DIP2C: variants seen among roughly 807,000 people sequenced by gnomAD.
DIP2C encodes disco-interacting protein 2 homolog C.
DIP2C carries 33 observed loss-of-function variants against 192.4 expected under a neutral mutation model. The observed-to-expected ratio is 0.17, with a 90% CI of 0.13 to 0.23. DIP2C has a LOEUF of 0.23. DIP2C is among the 10% of genes least tolerant of loss of function. The pLI is 1.00. For synonymous variants in DIP2C, 979 were observed against 864.1 expected (o/e 1.13, Z -2.33); for missense variants, 1,537 against 2,110.1 (o/e 0.73, Z 5.32).
In DIP2C at chr10:624,045, C is replaced by T. The variant is rs538673879; in HGVS notation, c.85+65449G>A. Among the ~76,000 whole-genome samples, 3 of 152,374 alleles carry T rather than the reference C, an allele frequency of 2.0e-5. No homozygotes were observed. In the East Asian group the frequency reaches 5.8e-4, roughly 29 times the overall value. ...GTTGGGCTCGAACCGCCACCCTGCT[C>T]CTTCTCTCTGCACCCGGGACCCGCC... On this transcript the variant is annotated intron_variant, in intron 1 of 36. Coordinates refer to ENST00000280886, the MANE Select transcript of DIP2C (RefSeq NM_014974.3).
intron 1 of DIP2C, among the ~76,000 whole-genome samples, chr10:490,419 C>A (rs1037209955): frequency 6.6e-6 from 1 of 152,196 alleles, no homozygotes; most frequent in Admixed American, 6.5e-5. Flanking sequence ...CTAGGCGTAT[C>A]CACTGCTCAC....
rs115897468 is a variant in DIP2C, at chr10:371,416, G to T, written c.1992-1783C>A. Among the ~76,000 whole-genome samples, 785 of 152,270 alleles carry T rather than the reference G, an allele frequency of 5.2e-3. 3 individuals are homozygous for T. Among genetic ancestry groups the T allele is most frequent in the Middle Eastern group, 0.014 (4 of 294 alleles). ...AGGCGGAAATTGAAGTTGAGCCACC[G>T]TAAGCCAGGGCCATCTTATGACCAG... On this transcript the variant is annotated intron_variant, in intron 17 of 36. Coordinates refer to ENST00000280886, the MANE Select transcript of DIP2C (RefSeq NM_014974.3).
rs868222818 is a variant in DIP2C at position 471,046 on chromosome 10, A to G, written c.268+1393T>C. Among the ~76,000 whole-genome samples the G allele has an allele frequency of 8.5e-5, 13 of 152,108 alleles. 1 individual carries two copies. The highest frequency in any genetic ancestry group is 3.3e-4 in the Admixed American group (5 of 15,262). ...CGACAGGGGCCTCCGAGACACCCAC[A>G]TGAGTAAGAGAAGGTCTCAATATGT... On this transcript the variant is annotated intron_variant, in intron 3 of 36. Coordinates refer to ENST00000280886, the MANE Select transcript of DIP2C (RefSeq NM_014974.3).
At chr10:558,433 AAGG>A (rs1462587585) in intron 1 of DIP2C, among the ~76,000 whole-genome samples, 1 of 152,172 alleles carries the variant, frequency 6.6e-6, no homozygotes, top group African/African-American at 2.4e-5. Flanking sequence ...GAAATGCGTA[AAGG>A]AAGGTGCAGT....
chr10:606,845 T>C (rs1182988420), intron 1 of DIP2C, among the ~76,000 whole-genome samples: 1 of 152,030 alleles, frequency 6.6e-6, no homozygotes. Context: ...TGGGCGTCAG[T>C]GACGGACGCC....
Position 533,247 on chromosome 10 carries a change from T to G in DIP2C, c.86-46717A>C, listed in dbSNP as rs572888353. On this transcript the variant is annotated intron_variant, in intron 1 of 36. Coordinates refer to ENST00000280886, the MANE Select transcript of DIP2C (RefSeq NM_014974.3). ...AAAGAAAGAAGGGTGGAAAACACAT[T>G]GAAATTCCCGTGTTAGAATCATCAC... 7.9e-5 allele frequency among the ~76,000 whole-genome samples: 12 copies of G among 152,158 alleles called. No individual in the cohort carries two copies. In the South Asian group the frequency reaches 2.5e-3, roughly 32 times the overall value.
At chr10:600,858 T>C (rs1458243704) in intron 1 of DIP2C, among the ~76,000 whole-genome samples, 4 of 151,490 alleles carry the variant, frequency 2.6e-5, no homozygotes, top group Admixed American at 2.0e-4. Flanking sequence ...TTTGGCCATC[T>C]GGTCAAAGCT....
At chr10:480,206 C>G (rs1353802973) in intron 2 of DIP2C, among the ~76,000 whole-genome samples, 1 of 149,644 alleles carries the variant, frequency 6.7e-6, no homozygotes, top group African/African-American at 2.5e-5. Flanking sequence ...GGATGAGGGT[C>G]TCATCCACCA....
rs140930714 is a variant in DIP2C, at chr10:341,249, G to A, written c.3534C>T (p.Ile1178=). ...CELYPSREVA[I]CLDPYCGLGF... is the part of the protein sequence containing the mutation. Reference sequence around the variant, plus strand: ...CCAGTCCACAGTAAGGGTCCAGGCAGATGGCCACTTCTCTAGAGGGGTAAA... The same window carrying A: ...CCAGTCCACAGTAAGGGTCCAGGCAAATGGCCACTTCTCTAGAGGGGTAAA... Residue 1178 remains isoleucine, a synonymous_variant, in exon 29 of 37, where the codon ATC becomes ATT. Coordinates refer to ENST00000280886, the MANE Select transcript of DIP2C (RefSeq NM_014974.3). The A allele has an allele frequency of 2.8e-3, 4,567 of 1,614,212 alleles. 22 individuals carry two copies. Among genetic ancestry groups the A allele is most frequent in the South Asian group, 0.014 (1,290 of 91,080 alleles).
At chr10:342,382 T>C (rs1243488986) in intron 28 of DIP2C, among the ~76,000 whole-genome samples, 2 of 152,098 alleles carry the variant, frequency 1.3e-5, no homozygotes, top group African/African-American at 4.8e-5. Flanking sequence ...ATGGTCTCGA[T>C]CTCCTGACCT....
intron 1 of DIP2C, among the ~76,000 whole-genome samples, chr10:534,001 TAAAA>T (rs34809873): frequency 6.1e-5 from 9 of 148,638 alleles, no homozygotes; most frequent in East Asian, 2.0e-4. Flanking sequence ...TGACATGCTT[TAAAA>T]AAAAAAAAAG....
At chr10:472,817 G>A (rs1216769234) in intron 2 of DIP2C, among the ~76,000 whole-genome samples, 1 of 152,212 alleles carries the variant, frequency 6.6e-6, no homozygotes, top group Non-Finnish European at 1.5e-5. Flanking sequence ...CACAAACTCA[G>A]CCACAGGTGG....
intron 6 of DIP2C, among the ~76,000 whole-genome samples, chr10:418,245 C>T (rs1192905528): frequency 7.2e-6 from 1 of 138,680 alleles, no homozygotes; most frequent in Non-Finnish European, 1.6e-5. Context: ...CGATAGGCCT[C>T]CCTGTTCACT....
chr10:509,877 G>A lies in DIP2C; in HGVS notation c.86-23347C>T, dbSNP rs559572002. Among the ~76,000 whole-genome samples, 42 of 152,302 alleles carry A rather than the reference G, an allele frequency of 2.8e-4. 1 individual carries two copies. The South Asian group carries it at 3.5e-3, about 13-fold the overall frequency. On this transcript the variant is annotated intron_variant, in intron 1 of 36. Transcript: ENST00000280886. The stretch of plus-strand genomic sequence containing the variant: ...CCAACCCACGCTTCAGATGGGTCTC[G>A]CTGCAGCCTGTGGTGCTCATCAGGC...
chr10:276,852 A>G lies in DIP2C; in HGVS notation c.*473T>C, dbSNP rs1161818272. 1 of 157,404 alleles carries G rather than the reference A, an allele frequency of 6.4e-6. No homozygotes were observed. The highest frequency in any genetic ancestry group is 2.4e-5 in the African/African-American group (1 of 41,462). 9.8% of individuals were successfully genotyped at this position (157,404 alleles called of 1,614,324 possible). ...TTTCCTAAAAGGATGAGATCTAGCA[A>G]TGGCTTAAATTAGTAACAGATCCAT... On this transcript the variant is annotated 3_prime_UTR_variant, in exon 37 of 37. Coordinates refer to ENST00000280886, the MANE Select transcript of DIP2C (RefSeq NM_014974.3).
At chr10:417,300 G>C (rs117731260) in intron 6 of DIP2C, among the ~76,000 whole-genome samples, 1 of 152,276 alleles carries the variant, frequency 6.6e-6, no homozygotes, top group Non-Finnish European at 1.5e-5. Context: ...TGGTGTGGGA[G>C]GCTATGACAC....
rs191836326 is a variant in DIP2C, at chr10:492,063, T to C, written c.86-5533A>G. Among the ~76,000 whole-genome samples, 401 of 152,326 alleles carry C rather than the reference T, an allele frequency of 2.6e-3. 1 individual carries two copies. The highest frequency in any genetic ancestry group is 9.0e-3 in the African/African-American group (375 of 41,568). ...GGGGCTAAGAGGAATCTCAAAATCC[T>C]GACCCCTGAGAACCCAGTTGTTGCT... On this transcript the variant is annotated intron_variant, in intron 1 of 36. Transcript: ENST00000280886.
chr10:306,208 T>C (rs1486341496), intron 32 of DIP2C, among the ~76,000 whole-genome samples: 1 of 151,628 alleles, frequency 6.6e-6, no homozygotes, highest in Admixed American at 6.6e-5. Flanking sequence ...GCAGGGAGAG[T>C]GTGTCCCCTC....
intron 31 of DIP2C, among the ~76,000 whole-genome samples, chr10:321,573 G>A (rs569086445): frequency 2.2e-4 from 28 of 127,404 alleles, no homozygotes; most frequent in Non-Finnish European, 3.0e-4. Context: ...ACAGTCAGTC[G>A]GGGGTGCGGG....
Sources: gnomAD v4.1 joint callset for allele counts (sites outside exome capture counted in the v4.1 genomes callset) on GRCh38, gnomAD v4.1.1 for gene constraint, MANE v1.5 for transcripts, NCBI Gene and HGNC (gene_info 2026-07-23, HGNC 2026-07-21) for gene names.